Variants in ATP6V1G3 observed in about 807,000 individuals in gnomAD.
ATP6V1G3 encodes the protein ATPase H+ transporting V1 subunit G3.
A neutral mutation model predicts 9.3 loss-of-function variants in ATP6V1G3; 9 were observed. The observed-to-expected ratio is 0.97, with a 90% CI of 0.59 to 1.69. The LOEUF (loss-of-function observed/expected upper bound fraction) is 1.69. Among genes scored for constraint, ATP6V1G3 ranks in the 40% most tolerant of loss-of-function variants. The pLI is 0.00. For synonymous variants in ATP6V1G3, 43 were observed against 43.8 expected (o/e 0.98, Z 0.07); for missense variants, 133 against 139.0 (o/e 0.96, Z 0.22).
At chr1:198,535,070 T>C (rs1025165696) in intron 1 of ATP6V1G3, among the ~76,000 whole-genome samples, 1 of 152,182 alleles carries the variant, frequency 6.6e-6, no homozygotes, top group Non-Finnish European at 1.5e-5. Context: ...AAAAATACAA[T>C]AAATAGTTTT....
intron 1 of ATP6V1G3, among the ~76,000 whole-genome samples, chr1:198,533,233 G>A (rs1186826485): frequency 4.6e-5 from 7 of 151,734 alleles, no homozygotes; most frequent in African/African-American, 1.7e-4. Context: ...GAACCCAGGA[G>A]GCAGAGGCTC....
intron 1 of ATP6V1G3, among the ~76,000 whole-genome samples, chr1:198,535,269 A>G (rs1660060931): frequency 6.6e-6 from 1 of 152,140 alleles, no homozygotes; most frequent in Non-Finnish European, 1.5e-5. Context: ...AGGGCCATGA[A>G]ATTCTTATAT....
At chr1:198,538,686 C>T (rs1017664231) in intron 1 of ATP6V1G3, among the ~76,000 whole-genome samples, 5 of 151,882 alleles carry the variant, frequency 3.3e-5, no homozygotes, top group African/African-American at 1.2e-4. Context: ...AGGTGGATCT[C>T]TTGAGCTCAG....
chr1:198,533,176 T>C (rs1487033500), intron 1 of ATP6V1G3, among the ~76,000 whole-genome samples: 3 of 151,822 alleles, frequency 2.0e-5, no homozygotes, highest in Non-Finnish European at 2.9e-5. Flanking sequence ...TGGTGGTGCG[T>C]GCCTGTAGTT....
intron 1 of ATP6V1G3, among the ~76,000 whole-genome samples, chr1:198,530,727 A>G (rs765710667): frequency 3.9e-5 from 6 of 152,102 alleles, no homozygotes; most frequent in Admixed American, 6.6e-5. Flanking sequence ...ACAACTACAT[A>G]TATATTATTC....
chr1:198,528,357 G>A (rs1469838443), intron 2 of ATP6V1G3, among the ~76,000 whole-genome samples: 2 of 152,008 alleles, frequency 1.3e-5, no homozygotes, highest in African/African-American at 4.8e-5. Flanking sequence ...TCAGGCTTCT[G>A]CACAGAGCTT....
intron 1 of ATP6V1G3, among the ~76,000 whole-genome samples, chr1:198,534,711 C>A (rs944227971): frequency 1.2e-4 from 18 of 152,110 alleles, no homozygotes; most frequent in Admixed American, 1.1e-3. Context: ...TTTTTATTTG[C>A]TGTATAAACA....
intron 1 of ATP6V1G3, 48 bp from the exon 2 acceptor site, chr1:198,529,229 A>G: frequency 2.5e-6 from 1 of 395,576 alleles, no homozygotes; most frequent in Non-Finnish European, 3.8e-6. Flanking sequence ...TATATATATC[A>G]ATATATAAAT....
At chr1:198,538,978 C>A (rs1015012097) in intron 1 of ATP6V1G3, among the ~76,000 whole-genome samples, 3 of 152,004 alleles carry the variant, frequency 2.0e-5, no homozygotes, top group Non-Finnish European at 4.4e-5. Context: ...ACCACAGGTC[C>A]TGAACTGCTT....
At chr1:198,528,543 G>A (rs766167468) in intron 2 of ATP6V1G3, among the ~76,000 whole-genome samples, 3 of 152,066 alleles carry the variant, frequency 2.0e-5, no homozygotes, top group Non-Finnish European at 2.9e-5. Flanking sequence ...ATGTGCCAAT[G>A]TAGGAAAAAG....
intron 1 of ATP6V1G3, among the ~76,000 whole-genome samples, chr1:198,529,419 TA>T: frequency 6.6e-6 from 1 of 152,018 alleles, no homozygotes; most frequent in East Asian, 1.9e-4. Flanking sequence ...AAAATTTTAT[TA>T]TTTTTTATTG....
intron 1 of ATP6V1G3, among the ~76,000 whole-genome samples, chr1:198,535,101 A>G (rs1476741242): frequency 6.6e-6 from 1 of 152,196 alleles, no homozygotes; most frequent in Non-Finnish European, 1.5e-5. Flanking sequence ...TGGACTGAAT[A>G]TAACCAAATG....
chr1:198,528,105 C>G (rs977796594), intron 2 of ATP6V1G3, among the ~76,000 whole-genome samples: 5 of 151,988 alleles, frequency 3.3e-5, no homozygotes, highest in African/African-American at 9.7e-5. Context: ...AGCCAAAGGC[C>G]AATCATGGAG....
chr1:198,529,199 TA>T lies in ATP6V1G3; in HGVS notation c.83-19del. 1 of 344,604 alleles carries T rather than the reference TA, an allele frequency of 2.9e-6. No homozygotes were observed. The highest frequency in any genetic ancestry group is 6.0e-4 in the Middle Eastern group (1 of 1,672). 21.3% of individuals were successfully genotyped at this position (344,604 alleles called of 1,614,324 possible). A position where few individuals can be genotyped will look rare whatever the true frequency, so the allele number is the denominator to read the frequency against. On this transcript the variant is annotated intron_variant, in intron 1 of 2. Coordinates refer to ENST00000367382, the MANE Select transcript of ATP6V1G3 (RefSeq NM_001376861.1). ...TCCTTTTCCTGAAAATTAACAAATATATATATATATATATATAATTATATAT... is the reference window on the plus strand; with the variant it reads ...TCCTTTTCCTGAAAATTAACAAATATTATATATATATATATAATTATATAT...
At chr1:198,527,000 C>T (rs1051249873) in intron 2 of ATP6V1G3, among the ~76,000 whole-genome samples, 2 of 152,042 alleles carry the variant, frequency 1.3e-5, no homozygotes, top group Non-Finnish European at 2.9e-5. Context: ...ACGTACAGCC[C>T]ACATTGGGAT....
chr1:198,536,397 C>T (rs1660114795), intron 1 of ATP6V1G3, among the ~76,000 whole-genome samples: 1 of 152,136 alleles, frequency 6.6e-6, no homozygotes, highest in Non-Finnish European at 1.5e-5. Flanking sequence ...CAGTTCAATA[C>T]CCCAAACCTG....
chr1:198,529,040 A>G, intron 2 of ATP6V1G3, 41 bp downstream of exon 2: 2 of 939,092 alleles, frequency 2.1e-6, no homozygotes, highest in Non-Finnish European at 3.3e-6. Flanking sequence ...TGAAGATCTT[A>G]TCTATTCTGC....
At chr1:198,530,859 T>C (rs73077374) in intron 1 of ATP6V1G3, among the ~76,000 whole-genome samples, 4,444 of 152,202 alleles carry the variant, frequency 0.029, 225 homozygotes, top group African/African-American at 0.1. Context: ...ATACAGAATG[T>C]TAATGTATTG....
chr1:198,532,298 G>C (rs554774280), intron 1 of ATP6V1G3, among the ~76,000 whole-genome samples: 2 of 152,172 alleles, frequency 1.3e-5, no homozygotes, highest in Non-Finnish European at 2.9e-5. Context: ...AAGGAGGAAG[G>C]TTGGAAGGAG....
Sources: allele counts gnomAD v4.1 joint callset (sites outside exome capture counted in the v4.1 genomes callset), GRCh38; gene constraint gnomAD v4.1.1; transcripts MANE v1.5; gene names NCBI Gene and HGNC (gene_info 2026-07-23, HGNC 2026-07-21).